Variants in CNTN4 observed in about 807,000 individuals in gnomAD.
CNTN4 encodes the protein contactin 4.
In CNTN4, 77 loss-of-function variants were observed where a neutral mutation model predicts 122.5. The ratio of observed to expected loss-of-function variants is 0.63; its 90% CI spans 0.52 to 0.76. The LOEUF (loss-of-function observed/expected upper bound fraction) is 0.76, where lower values mean the gene tolerates loss of function less well. Ranked by LOEUF, CNTN4 falls within the 30% of genes least tolerant of loss-of-function variation. CNTN4 has a pLI of 0.00. For missense variants in CNTN4, 1,256 were observed against 1,259.1 expected, an observed-to-expected ratio of 1.00 and a Z score of 0.04; for synonymous variants, 512 against 447.0, an observed-to-expected ratio of 1.15 and a Z score of -1.83.
At chr3:2,688,423 G>A (rs1427798809) in intron 4 of CNTN4, among the ~76,000 whole-genome samples, 1 of 152,176 alleles carries the variant, frequency 6.6e-6, no homozygotes, top group African/African-American at 2.4e-5. Flanking sequence ...TACACAAGCT[G>A]TATTTTATCA....
intron 16 of CNTN4, among the ~76,000 whole-genome samples, chr3:3,032,918 T>C (rs779312851): frequency 6.6e-6 from 1 of 152,092 alleles, no homozygotes; most frequent in Non-Finnish European, 1.5e-5. Flanking sequence ...TATGCATCGG[T>C]AGGAGAGGGT....
intron 2 of CNTN4, among the ~76,000 whole-genome samples, chr3:2,119,244 C>T (rs1041449561): frequency 1.3e-5 from 2 of 152,174 alleles, no homozygotes; most frequent in South Asian, 2.1e-4. Flanking sequence ...TTTGCACTTG[C>T]CAACCTCCAT....
intron 2 of CNTN4, among the ~76,000 whole-genome samples, chr3:2,185,455 T>C (rs1021880235): frequency 6.6e-6 from 1 of 152,026 alleles, no homozygotes; most frequent in African/African-American, 2.4e-5. Flanking sequence ...TTCAGGAGGG[T>C]CTGAAACTTA....
chr3:2,626,640 G>A (rs2082202356), intron 4 of CNTN4, among the ~76,000 whole-genome samples: 1 of 152,094 alleles, frequency 6.6e-6, no homozygotes, highest in Non-Finnish European at 1.5e-5. Context: ...GCTTGGAAGT[G>A]GTTATTTTTA....
chr3:2,747,092 C>CA (rs201475392), intron 6 of CNTN4, among the ~76,000 whole-genome samples: 50,327 of 141,170 alleles, frequency 0.36, 9,856 homozygotes, highest in African/African-American at 0.56. Flanking sequence ...AGTATAACAC[C>CA]AAAAAAAAAA....
intron 4 of CNTN4, among the ~76,000 whole-genome samples, chr3:2,702,687 G>A (rs2086423904): frequency 1.3e-5 from 2 of 152,228 alleles, no homozygotes; most frequent in South Asian, 4.1e-4. Flanking sequence ...GTGTTCCTGA[G>A]AAAGGGCAGT....
chr3:2,201,970 A>G (rs1445879387), intron 2 of CNTN4, among the ~76,000 whole-genome samples: 1 of 152,156 alleles, frequency 6.6e-6, no homozygotes, highest in Non-Finnish European at 1.5e-5. Context: ...ATATAAAATA[A>G]AATATATTAA....
At chr3:2,359,326 T>TTA (rs1004291312) in intron 3 of CNTN4, among the ~76,000 whole-genome samples, 23 of 152,160 alleles carry the variant, frequency 1.5e-4, no homozygotes, top group African/African-American at 4.8e-4. Flanking sequence ...ACAACATACA[T>TTA]TATATATATA....
intron 10 of CNTN4, among the ~76,000 whole-genome samples, chr3:2,898,390 G>A (rs1049506460): frequency 6.6e-6 from 1 of 152,072 alleles, no homozygotes; most frequent in Non-Finnish European, 1.5e-5. Flanking sequence ...ACCTTGGCCC[G>A]CACAAATAAC....
chr3:2,216,257 C>G (rs898050873), intron 2 of CNTN4, among the ~76,000 whole-genome samples: 4 of 152,122 alleles, frequency 2.6e-5, no homozygotes, highest in African/African-American at 9.7e-5. Context: ...GAGCTGGAGG[C>G]TATTATCATC....
chr3:2,771,976 A>T (rs2091122254), intron 6 of CNTN4, among the ~76,000 whole-genome samples: 2 of 152,164 alleles, frequency 1.3e-5, no homozygotes, highest in South Asian at 4.2e-4. Context: ...ATCTTCATGG[A>T]TATGCACGGG....
chr3:3,029,597 C>A (rs558372771), intron 15 of CNTN4, among the ~76,000 whole-genome samples: 1 of 152,282 alleles, frequency 6.6e-6, no homozygotes, highest in Non-Finnish European at 1.5e-5. Context: ...ATGGAGATAA[C>A]CAAATACATA....
chr3:2,129,864 T>C (rs2034368721), intron 2 of CNTN4, among the ~76,000 whole-genome samples: 1 of 151,940 alleles, frequency 6.6e-6, no homozygotes, highest in African/African-American at 2.4e-5. Context: ...CACACTTATA[T>C]TGGTGGCTTT....
intron 4 of CNTN4, among the ~76,000 whole-genome samples, chr3:2,658,961 AACAG>A (rs766483040): frequency 1.0e-4 from 6 of 59,150 alleles, no homozygotes; most frequent in Non-Finnish European, 1.7e-4. Flanking sequence ...CACACACACA[AACAG>A]ACACACACAC....
chr3:2,477,328 C>A (rs563043779), intron 3 of CNTN4, among the ~76,000 whole-genome samples: 1 of 152,174 alleles, frequency 6.6e-6, no homozygotes, highest in East Asian at 1.9e-4. Flanking sequence ...GTTGGACATT[C>A]CATGTTTTAT....
chr3:2,205,585 A>G (rs549072965), intron 2 of CNTN4, among the ~76,000 whole-genome samples: 2 of 152,076 alleles, frequency 1.3e-5, no homozygotes, highest in African/African-American at 4.8e-5. Context: ...AAGGGCAGAG[A>G]TGATGTCTCT....
At chr3:2,104,565 A>G (rs1202459166) in intron 2 of CNTN4, among the ~76,000 whole-genome samples, 1 of 152,156 alleles carries the variant, frequency 6.6e-6, no homozygotes, top group Non-Finnish European at 1.5e-5. Flanking sequence ...GTCAAGATAC[A>G]GAGTGTGAGG....
intron 8 of CNTN4, among the ~76,000 whole-genome samples, chr3:2,877,633 G>C (rs2093859981): frequency 6.6e-6 from 1 of 152,058 alleles, no homozygotes; most frequent in Non-Finnish European, 1.5e-5. Context: ...TGTAGACCTG[G>C]GTAGGTCTTT....
chr3:3,007,564 G>A (rs1696781742), intron 14 of CNTN4, among the ~76,000 whole-genome samples: 1 of 152,186 alleles, frequency 6.6e-6, no homozygotes. Context: ...AAGCACCTAG[G>A]AAATGAAGTT....
Sources: gnomAD v4.1 joint callset for allele counts (sites outside exome capture counted in the v4.1 genomes callset) on GRCh38, gnomAD v4.1.1 for gene constraint, MANE v1.5 for transcripts, NCBI Gene and HGNC (gene_info 2026-07-23, HGNC 2026-07-21) for gene names.